NRG3: variants seen among roughly 807,000 people sequenced by gnomAD.
NRG3 encodes neuregulin 3, also known as pro-neuregulin-3, membrane-bound isoform.
NRG3 carries 31 observed loss-of-function variants against 66.9 expected under a neutral mutation model. The ratio of observed to expected loss-of-function variants is 0.46; its 90% CI spans 0.35 to 0.63. NRG3 has a LOEUF of 0.63. NRG3 is among the 20% of genes least tolerant of loss of function. The probability of loss-of-function intolerance (pLI) is 0.00; values close to 1 mark genes in which losing one functional copy is unlikely to be tolerated. For missense variants in NRG3, 910 were observed against 878.9 expected, an observed-to-expected ratio of 1.04 and a Z score of -0.45; for synonymous variants, 393 against 359.4, an observed-to-expected ratio of 1.09 and a Z score of -1.06.
intron 2 of NRG3, among the ~76,000 whole-genome samples, chr10:82,644,843 A>T (rs1404997030): frequency 6.6e-6 from 1 of 152,152 alleles, no homozygotes; most frequent in African/African-American, 2.4e-5. Flanking sequence ...TTCCACTGAA[A>T]CACATTTTTC....
intron 2 of NRG3, among the ~76,000 whole-genome samples, chr10:82,434,239 G>A (rs2089993462): frequency 6.6e-6 from 1 of 151,918 alleles, no homozygotes; most frequent in Admixed American, 6.6e-5. Flanking sequence ...TCATGATTTG[G>A]CTTTCTGCTT....
chr10:82,071,117 T>G (rs535487348), intron 1 of NRG3, among the ~76,000 whole-genome samples: 1 of 152,324 alleles, frequency 6.6e-6, no homozygotes, highest in Non-Finnish European at 1.5e-5. Context: ...AAATTTATGT[T>G]AATTTTTATC....
chr10:82,098,808 G>T (rs2132081399), intron 1 of NRG3, among the ~76,000 whole-genome samples: 1 of 152,192 alleles, frequency 6.6e-6, no homozygotes, highest in East Asian at 1.9e-4. Context: ...CTGTCATCCA[G>T]GCTGGAGCGC....
At chr10:82,204,928 A>T (rs995941968) in intron 1 of NRG3, among the ~76,000 whole-genome samples, 1 of 152,226 alleles carries the variant, frequency 6.6e-6, no homozygotes, top group African/African-American at 2.4e-5. Context: ...TTAGTCCTAA[A>T]CATGGAAGAC....
At chr10:82,461,226 A>ACAC (rs377700934) in intron 2 of NRG3, among the ~76,000 whole-genome samples, 4 of 147,834 alleles carry the variant, frequency 2.7e-5, no homozygotes, top group East Asian at 2.0e-4. Context: ...ACCACCATCA[A>ACAC]CACCACCACC....
intron 1 of NRG3, among the ~76,000 whole-genome samples, chr10:82,263,008 C>G (rs1460938769): frequency 6.6e-6 from 1 of 151,996 alleles, no homozygotes; most frequent in African/African-American, 2.4e-5. Context: ...ATCATTAACA[C>G]CAGTTAGGTC....
At position 82,835,206 on chromosome 10, in the gene NRG3, T is replaced by TCA. The variant is rs1358714336; in HGVS notation, c.1028-30204_1028-30203dup. 2.6e-5 allele frequency among the ~76,000 whole-genome samples: 4 copies of TCA among 152,132 alleles called. No individual in the cohort carries two copies. In the East Asian group the frequency reaches 7.7e-4, roughly 29 times the overall value. Reference sequence around the variant, plus strand: ...CTGATAAAAGGTTGTGTGAAAATGTTCAGCAAACACCTCTCAATCCCCTGT... The same window carrying TCA: ...CTGATAAAAGGTTGTGTGAAAATGTTCACAGCAAACACCTCTCAATCCCCTGT... On this transcript the variant is annotated intron_variant, in intron 3 of 8. Coordinates refer to ENST00000372141, the MANE Select transcript of NRG3 (RefSeq NM_001010848.4).
chr10:82,638,786 A>G (rs552592386), intron 2 of NRG3, among the ~76,000 whole-genome samples: 19 of 152,172 alleles, frequency 1.2e-4, no homozygotes, highest in Non-Finnish European at 2.6e-4. Flanking sequence ...AGCTGGGACT[A>G]CAGGCACGTG....
chr10:82,887,778 TGAACTATGTATAA>T (rs1842845309), intron 4 of NRG3, among the ~76,000 whole-genome samples: 1 of 152,324 alleles, frequency 6.6e-6, no homozygotes, highest in South Asian at 2.1e-4. Flanking sequence ...ATAAAGAAAC[TGAACTATGTATAA>T]AACTGAGCTT....
chr10:82,085,533 C>T lies in NRG3; in HGVS notation c.823+209370C>T, dbSNP rs1482536531. Among the ~76,000 whole-genome samples the T allele has an allele frequency of 3.9e-5, 6 of 152,128 alleles. No individual in the cohort carries two copies. In the East Asian group the frequency reaches 1.2e-3, roughly 29 times the overall value. On this transcript the variant is annotated intron_variant, in intron 1 of 8. Transcript: ENST00000372141. Reference sequence around the variant, plus strand: ...GAAGGACAGAGGGCAAGCAACCATGCATGAGAGAGAGAAGAAAAGGGGGAC... The same window carrying T: ...GAAGGACAGAGGGCAAGCAACCATGTATGAGAGAGAGAAGAAAAGGGGGAC...
chr10:82,860,146 A>T (rs577528371), intron 3 of NRG3, among the ~76,000 whole-genome samples: 1 of 152,282 alleles, frequency 6.6e-6, no homozygotes, highest in African/African-American at 2.4e-5. Flanking sequence ...GTTGTGAAGA[A>T]ATTTCCCCGG....
intron 3 of NRG3, among the ~76,000 whole-genome samples, chr10:82,819,180 C>T (rs1032476082): frequency 6.6e-6 from 1 of 152,166 alleles, no homozygotes; most frequent in Non-Finnish European, 1.5e-5. Flanking sequence ...ATTTACTTCT[C>T]TTAAAACTAG....
chr10:82,033,461 T>C (rs767663855), intron 1 of NRG3, among the ~76,000 whole-genome samples: 16 of 152,156 alleles, frequency 1.1e-4, no homozygotes, highest in Non-Finnish European at 2.1e-4. Flanking sequence ...CAAAATAGCT[T>C]ATAAATAACA....
chr10:82,441,594 G>A (rs879605509), intron 2 of NRG3, among the ~76,000 whole-genome samples: 1 of 152,140 alleles, frequency 6.6e-6, no homozygotes, highest in Non-Finnish European at 1.5e-5. Context: ...GAACCGGCCC[G>A]CACAGCGATG....
intron 2 of NRG3, among the ~76,000 whole-genome samples, chr10:82,465,909 C>T (rs1210688346): frequency 1.3e-5 from 2 of 152,158 alleles, no homozygotes; most frequent in Admixed American, 6.5e-5. Flanking sequence ...GCCAGGGACA[C>T]AGTAAATACT....
intron 1 of NRG3, among the ~76,000 whole-genome samples, chr10:82,319,252 C>G (rs2081437093): frequency 6.6e-6 from 1 of 152,222 alleles, no homozygotes; most frequent in Non-Finnish European, 1.5e-5. Flanking sequence ...CCCATCTGTA[C>G]AGACAGCAGC....
chr10:82,333,667 G>A lies in NRG3; in HGVS notation c.824-25072G>A, dbSNP rs575375601. Among the ~76,000 whole-genome samples the A allele has an allele frequency of 5.9e-5, 9 of 152,208 alleles. No individual in the cohort carries two copies. In the East Asian group the frequency reaches 1.7e-3, roughly 29 times the overall value. ...TTATAATTTAGCAATTTTAGTTCCT[G>A]GAGTCTTTTCACACTTACTGAGAAA... On this transcript the variant is annotated intron_variant, in intron 1 of 8. Transcript: ENST00000372141.
intron 2 of NRG3, among the ~76,000 whole-genome samples, chr10:82,488,541 A>G (rs1842859190): frequency 6.6e-6 from 1 of 152,240 alleles, no homozygotes; most frequent in Non-Finnish European, 1.5e-5. Context: ...TAAGTACAAA[A>G]TGGTAGCTCC....
chr10:82,225,007 T>A (rs2076103782), intron 1 of NRG3, among the ~76,000 whole-genome samples: 1 of 151,916 alleles, frequency 6.6e-6, no homozygotes, highest in Non-Finnish European at 1.5e-5. Flanking sequence ...GAAAAGAATA[T>A]TAAAAATAAA....
Sources: gnomAD v4.1 joint callset for allele counts (sites outside exome capture counted in the v4.1 genomes callset) on GRCh38, gnomAD v4.1.1 for gene constraint, MANE v1.5 for transcripts, NCBI Gene and HGNC (gene_info 2026-07-23, HGNC 2026-07-21) for gene names.